Variants in MALRD1 observed in about 807,000 individuals in gnomAD.
The protein encoded by MALRD1 is MAM and LDL receptor class A domain containing 1, also known as MAM and LDL-receptor class A domain-containing protein 1.
Under a neutral mutation model 242.1 loss-of-function variants are expected in MALRD1, and 247 were observed. The observed-to-expected ratio is 1.02, with a 90% CI of 0.92 to 1.13. MALRD1 has a LOEUF of 1.13. Ranked by LOEUF, MALRD1 falls within the 50% of genes most tolerant of loss-of-function variation. The pLI, the probability that MALRD1 is intolerant of heterozygous loss-of-function variation, is 0.00. For synonymous variants in MALRD1, 995 were observed against 866.6 expected, an observed-to-expected ratio of 1.15 and a Z score of -2.60; for missense variants, 2,989 against 2,533.1, an observed-to-expected ratio of 1.18 and a Z score of -3.86.
intron 26 of MALRD1, among the ~76,000 whole-genome samples, chr10:19,352,920 G>C (rs1367073639): frequency 3.3e-5 from 5 of 152,166 alleles, no homozygotes; most frequent in African/African-American, 1.2e-4. Flanking sequence ...TTAAAGGTCT[G>C]AGATGAAAAT....
chr10:19,470,143 T>C (rs115755235), intron 29 of MALRD1, among the ~76,000 whole-genome samples: 240 of 152,168 alleles, frequency 1.6e-3, no homozygotes, highest in African/African-American at 5.5e-3. Flanking sequence ...ATCACCATTC[T>C]ATGCTTCTGT....
At position 19,327,807 on chromosome 10, in the gene MALRD1, G is replaced by A. The variant is rs1345117507; in HGVS notation, c.3687+134G>A. 6.9e-5 allele frequency: 44 copies of A among 634,000 alleles called. No homozygotes were observed. The Middle Eastern group carries it at 1.6e-3, about 23-fold the overall frequency. The allele number at this position is 634,000 out of a possible 1,614,324, so 39.3% of individuals were successfully genotyped here. A position where few individuals can be genotyped will look rare whatever the true frequency, so the allele number is the denominator to read the frequency against. On this transcript the variant is annotated intron_variant, in intron 23 of 39. Transcript: ENST00000454679. ...TGTTCTGTGGATGCGTGGACACCAT[G>A]CTTAACACTCCATGGAGCATTTTAC...
At chr10:19,360,659 T>G (rs184699171) in intron 26 of MALRD1, among the ~76,000 whole-genome samples, 1 of 152,234 alleles carries the variant, frequency 6.6e-6, no homozygotes, top group Admixed American at 6.5e-5. Flanking sequence ...CTAATATTTT[T>G]AATATACTTA....
intron 18 of MALRD1, among the ~76,000 whole-genome samples, chr10:19,253,358 G>C (rs918982200): frequency 4.6e-5 from 7 of 151,924 alleles, no homozygotes; most frequent in African/African-American, 1.7e-4. Flanking sequence ...ACACATTGAT[G>C]ACTTATGGCA....
intron 18 of MALRD1, among the ~76,000 whole-genome samples, chr10:19,233,286 G>C (rs1474575551): frequency 6.6e-6 from 1 of 152,158 alleles, no homozygotes; most frequent in Non-Finnish European, 1.5e-5. Context: ...CGGATCGCCT[G>C]AGGTCAGGAG....
intron 21 of MALRD1, among the ~76,000 whole-genome samples, chr10:19,292,245 C>A (rs1010327948): frequency 6.6e-6 from 1 of 151,890 alleles, no homozygotes; most frequent in African/African-American, 2.4e-5. Flanking sequence ...ATGTTTTTTT[C>A]TGTCGTTTTT....
In MALRD1 at chr10:19,134,353, C is replaced by T. The variant is rs77035233; in HGVS notation, c.1203+405C>T. Among the ~76,000 whole-genome samples the T allele has an allele frequency of 2.6e-5, 4 of 152,078 alleles. No homozygotes were observed. In the East Asian group the frequency reaches 7.7e-4, roughly 29 times the overall value. ...AACACATGGAAAGCTCTATGTACAC[C>T]AAGAAACATATGAAACATACATAGG... On this transcript the variant is annotated intron_variant, in intron 9 of 39. Transcript: ENST00000454679.
intron 19 of MALRD1, among the ~76,000 whole-genome samples, chr10:19,266,877 T>C (rs1054246453): frequency 3.9e-5 from 6 of 152,018 alleles, no homozygotes; most frequent in African/African-American, 1.2e-4. Context: ...TCATTAGATA[T>C]AGGAATGATG....
intron 29 of MALRD1, among the ~76,000 whole-genome samples, chr10:19,457,976 AAATATTATT>A (rs1835746659): frequency 6.6e-6 from 1 of 152,050 alleles, no homozygotes; most frequent in South Asian, 2.1e-4. Context: ...TGTTAACTAC[AAATATTATT>A]TAACTTGAAC....
At chr10:19,460,452 T>C (rs201096013) in intron 29 of MALRD1, among the ~76,000 whole-genome samples, 1 of 5,350 alleles carries the variant, frequency 1.9e-4, no homozygotes, top group Non-Finnish European at 4.5e-4. Flanking sequence ...CACACACAGA[T>C]TTTTTTTTTT....
intron 4 of MALRD1, among the ~76,000 whole-genome samples, chr10:19,096,745 G>A (rs576627454): frequency 6.6e-6 from 1 of 152,158 alleles, no homozygotes; most frequent in African/African-American, 2.4e-5. Context: ...TTATTTCATT[G>A]TCTGCCATTT....
intron 29 of MALRD1, among the ~76,000 whole-genome samples, chr10:19,477,585 A>C (rs1836797601): frequency 6.6e-6 from 1 of 152,220 alleles, no homozygotes. Flanking sequence ...TTGTGGATGC[A>C]GACACACAAG....
intron 29 of MALRD1, among the ~76,000 whole-genome samples, chr10:19,452,695 A>G (rs1191993034): frequency 1.3e-5 from 2 of 152,198 alleles, no homozygotes; most frequent in East Asian, 3.8e-4. Flanking sequence ...TGCAGGTGAA[A>G]TATCAGGTCT....
At chr10:19,071,329 T>C (rs1046128929) in intron 2 of MALRD1, among the ~76,000 whole-genome samples, 1 of 151,974 alleles carries the variant, frequency 6.6e-6, no homozygotes, top group Admixed American at 6.6e-5. Flanking sequence ...CTCTCTTCTT[T>C]ATAGAATTTC....
At chr10:19,655,680 G>C (rs533368157) in intron 36 of MALRD1, among the ~76,000 whole-genome samples, 1 of 151,252 alleles carries the variant, frequency 6.6e-6, no homozygotes, top group South Asian at 2.1e-4. Context: ...AATACCACTA[G>C]GATAAAGATT....
intron 26 of MALRD1, among the ~76,000 whole-genome samples, chr10:19,353,900 T>C (rs1001761358): frequency 6.6e-6 from 1 of 152,020 alleles, no homozygotes; most frequent in East Asian, 1.9e-4. Context: ...TTGTTTTTTG[T>C]TTTTTGGTAG....
At chr10:19,324,411 C>T (rs891160853) in intron 22 of MALRD1, among the ~76,000 whole-genome samples, 9 of 152,066 alleles carry the variant, frequency 5.9e-5, no homozygotes, top group Non-Finnish European at 1.0e-4. Flanking sequence ...TAACCACAAT[C>T]AAATAAATAT....
At chr10:19,208,076 C>T (rs985672671) in intron 17 of MALRD1, among the ~76,000 whole-genome samples, 2 of 93,988 alleles carry the variant, frequency 2.1e-5, no homozygotes, top group Admixed American at 2.4e-4. Context: ...AGGAATTCTC[C>T]ATTTCACATT....
chr10:19,169,053 T>C (rs1834813711), intron 13 of MALRD1, among the ~76,000 whole-genome samples: 1 of 152,142 alleles, frequency 6.6e-6, no homozygotes, highest in Admixed American at 6.6e-5. Context: ...GAAAATTAAA[T>C]TTGGAAAGCA....
Sources: gnomAD v4.1 joint callset for allele counts (sites outside exome capture counted in the v4.1 genomes callset) on GRCh38, gnomAD v4.1.1 for gene constraint, MANE v1.5 for transcripts, NCBI Gene and HGNC (gene_info 2026-07-23, HGNC 2026-07-21) for gene names.